The following FGF14 variants were observed in gnomAD, a reference collection of about 807,000 sequenced individuals.
FGF14 encodes fibroblast growth factor homologous factor 4.
Under a neutral mutation model 25.5 loss-of-function variants are expected in FGF14, and 5 were observed. The observed-to-expected ratio is 0.20, with a 90% CI of 0.10 to 0.41. The LOEUF is 0.41. FGF14 is among the 10% of genes least tolerant of loss of function. FGF14 has a pLI of 1.00. For synonymous variants in FGF14, 138 were observed against 118.3 expected (o/e 1.17, Z -1.08); for missense variants, 222 against 320.1 (o/e 0.69, Z 2.34).
intron 1 of FGF14, among the ~76,000 whole-genome samples, chr13:102,141,933 G>T (rs560948308): frequency 6.6e-6 from 1 of 152,204 alleles, no homozygotes; most frequent in South Asian, 2.1e-4. Context: ...AATCTGAGAA[G>T]AAAAATCAAA....
In FGF14 at chr13:102,021,077, T is replaced by G. The variant is rs2040624123; in HGVS notation, c.209-145781A>C. Reference sequence around the variant, plus strand: ...GCTAGGGGTATGACTACTGGGTGTATGTGCCTTAAGTGGAGGGAAGAAAAA... The same window carrying G: ...GCTAGGGGTATGACTACTGGGTGTAGGTGCCTTAAGTGGAGGGAAGAAAAA... On this transcript the variant is annotated intron_variant, in intron 1 of 4. Coordinates refer to the FGF14 transcript ENST00000376131. 3.3e-5 allele frequency among the ~76,000 whole-genome samples: 5 copies of G among 151,942 alleles called. No homozygotes were observed. The South Asian group carries it at 1.0e-3, about 32-fold the overall frequency.
intron 3 of FGF14, among the ~76,000 whole-genome samples, chr13:101,786,653 C>T (rs1173568213): frequency 6.6e-6 from 1 of 152,106 alleles, no homozygotes; most frequent in Admixed American, 6.6e-5. Flanking sequence ...ACCCTAATTA[C>T]ATCATTTTGA....
chr13:102,312,843 G>A (rs917271135), intron 1 of FGF14, among the ~76,000 whole-genome samples: 3 of 152,174 alleles, frequency 2.0e-5, no homozygotes, highest in African/African-American at 7.2e-5. Context: ...GAAACATTTA[G>A]CTCTTCCATC....
At chr13:102,157,279 A>G (rs1260851158) in intron 1 of FGF14, among the ~76,000 whole-genome samples, 2 of 152,236 alleles carry the variant, frequency 1.3e-5, no homozygotes, top group African/African-American at 4.8e-5. Context: ...TACAGTAACC[A>G]AAGCAGCATG....
intron 1 of FGF14, among the ~76,000 whole-genome samples, chr13:102,208,855 G>A (rs567631137): frequency 2.5e-4 from 38 of 152,162 alleles, no homozygotes; most frequent in South Asian, 1.0e-3. Flanking sequence ...TAGATATTTC[G>A]TAACACAAAC....
chr13:102,078,726 G>A (rs146540297), intron 1 of FGF14, among the ~76,000 whole-genome samples: 49 of 152,304 alleles, frequency 3.2e-4, no homozygotes, highest in African/African-American at 1.0e-3. Flanking sequence ...AAAGCTGGAG[G>A]AATGGTGAGC....
intron 1 of FGF14, chr13:102,299,921 T>C (rs1375283701): frequency 6.6e-6 from 1 of 152,098 alleles, no homozygotes; most frequent in Non-Finnish European, 1.5e-5. Context: ...ACACAAAAAT[T>C]GAATTGAACC....
Position 101,792,850 on chromosome 13 carries a change from A to AT in FGF14, c.409-66041dup, listed in dbSNP as rs200218052. ...AGCTGAGTAGAACCTGGCTATTTTC[A>AT]TTTTTTAAAAAATTTGATTGGCTTT... On this transcript the variant is annotated intron_variant, in intron 3 of 4. Coordinates refer to ENST00000376143, the MANE Select transcript of FGF14 (RefSeq NM_004115.4). 3.7e-3 allele frequency among the ~76,000 whole-genome samples: 562 copies of AT among 152,178 alleles called. 3 individuals carry two copies. Among genetic ancestry groups the AT allele is most frequent in the African/African-American group, 0.012 (513 of 41,528 alleles).
intron 1 of FGF14, among the ~76,000 whole-genome samples, chr13:102,219,265 G>A (rs575323935): frequency 1.3e-5 from 2 of 152,170 alleles, no homozygotes; most frequent in South Asian, 4.2e-4. Context: ...TGGGTGTTGC[G>A]TCCACTCCCA....
chr13:102,025,460 G>A (rs1386889450), intron 1 of FGF14, among the ~76,000 whole-genome samples: 1 of 151,986 alleles, frequency 6.6e-6, no homozygotes, highest in Non-Finnish European at 1.5e-5. Context: ...CCAGGCTGGA[G>A]TGCAGTGGCA....
chr13:101,929,334 G>C (rs2034589096), intron 1 of FGF14, among the ~76,000 whole-genome samples: 1 of 152,180 alleles, frequency 6.6e-6, no homozygotes, highest in Non-Finnish European at 1.5e-5. Context: ...GGTGGGTATG[G>C]GGATTGCAGT....
Position 101,885,305 on chromosome 13 carries a change from T to C in FGF14, c.194-10009A>G, listed in dbSNP as rs1298338578. ...ATATAGTTACATAGTCATAGTGTCC[T>C]AATTTAACAAGCAATCCCACTGTGT... is the stretch of plus-strand genomic sequence containing the variant. On this transcript the variant is annotated intron_variant, in intron 1 of 4. Coordinates refer to ENST00000376143, the MANE Select transcript of FGF14 (RefSeq NM_004115.4). Among the ~76,000 whole-genome samples, 4 of 152,188 alleles carry C rather than the reference T, an allele frequency of 2.6e-5. No individual in the cohort carries two copies. The East Asian group carries it at 7.7e-4, about 29-fold the overall frequency.
At chr13:102,039,064 C>T (rs2041608533) in intron 1 of FGF14, among the ~76,000 whole-genome samples, 1 of 152,084 alleles carries the variant, frequency 6.6e-6, no homozygotes, top group Admixed American at 6.6e-5. Context: ...GGAAAATAGA[C>T]TCAGGTAAAT....
intron 1 of FGF14, among the ~76,000 whole-genome samples, chr13:102,188,868 G>A (rs192233226): frequency 6.6e-6 from 1 of 151,756 alleles, no homozygotes; most frequent in African/African-American, 2.4e-5. Context: ...TTGAACCTGG[G>A]AGGCAGAGGT....
intron 1 of FGF14, among the ~76,000 whole-genome samples, chr13:102,136,419 A>C (rs887418917): frequency 6.6e-6 from 1 of 152,184 alleles, no homozygotes; most frequent in African/African-American, 2.4e-5. Context: ...GGACTCAGGT[A>C]GTCTTATTAC....
At chr13:102,307,191 G>C (rs188081568) in intron 1 of FGF14, among the ~76,000 whole-genome samples, 22 of 152,212 alleles carry the variant, frequency 1.4e-4, no homozygotes, top group Admixed American at 5.2e-4. Context: ...CAAGGAAGTG[G>C]AGAGCTCAAT....
rs568657115 is a variant in FGF14, at chr13:102,039,730, C to G, written c.209-164434G>C. Among the ~76,000 whole-genome samples the G allele has an allele frequency of 2.5e-4, 38 of 152,170 alleles. 2 individuals are homozygous for G. Among genetic ancestry groups the G allele is most frequent in the Admixed American group, 2.2e-3 (34 of 15,276 alleles). ...CACATATGGTCACATTAATAGGCAC[C>G]AGAGGTAGGGACTTCAATATCTCTC... On this transcript the variant is annotated intron_variant, in intron 1 of 4. Transcript: ENST00000376131.
chr13:102,088,914 A>G (rs770724477), intron 1 of FGF14, among the ~76,000 whole-genome samples: 2 of 152,136 alleles, frequency 1.3e-5, no homozygotes, highest in Non-Finnish European at 2.9e-5. Context: ...TGATCCACAT[A>G]TTGTAGCTTA....
chr13:102,167,327 A>AG (rs1211724255), intron 1 of FGF14, among the ~76,000 whole-genome samples: 5 of 96,568 alleles, frequency 5.2e-5, no homozygotes, highest in South Asian at 3.2e-4. Context: ...AAAAAAAAAA[A>AG]AAAAAAAGGA....
Sources: gnomAD v4.1 joint callset for allele counts (sites outside exome capture counted in the v4.1 genomes callset) on GRCh38, gnomAD v4.1.1 for gene constraint, MANE v1.5 for transcripts, NCBI Gene and HGNC (gene_info 2026-07-23, HGNC 2026-07-21) for gene names.